Variants in LAMA2 observed in about 807,000 individuals in gnomAD.
LAMA2 encodes the protein laminin subunit alpha 2.
Under a neutral mutation model 364.8 loss-of-function variants are expected in LAMA2, and 269 were observed. The ratio of observed to expected loss-of-function variants is 0.74; its 90% confidence interval spans 0.67 to 0.82. LAMA2 has a LOEUF of 0.82. LAMA2 is among the 40% of genes least tolerant of loss of function. The pLI is 0.00. For missense variants in LAMA2, 3,807 were observed against 3,873.2 expected (o/e 0.98, Z 0.45); for synonymous variants, 1,379 against 1,370.6 (o/e 1.01, Z -0.14).
chr6:129,408,426 G>C (rs1780355674), intron 40 of LAMA2, among the ~76,000 whole-genome samples: 1 of 152,164 alleles, frequency 6.6e-6, no homozygotes, highest in African/African-American at 2.4e-5. Flanking sequence ...CACTTCTTTA[G>C]CTGTAAAGTG....
At chr6:129,510,015 A>G (rs530192040) in intron 62 of LAMA2, among the ~76,000 whole-genome samples, 1 of 152,028 alleles carries the variant, frequency 6.6e-6, no homozygotes, top group Non-Finnish European at 1.5e-5. Flanking sequence ...AATTTCTTGC[A>G]TCATTGTTTT....
At chr6:129,025,177 T>A (rs1785723666) in intron 1 of LAMA2, among the ~76,000 whole-genome samples, 1 of 152,212 alleles carries the variant, frequency 6.6e-6, no homozygotes, top group Non-Finnish European at 1.5e-5. Flanking sequence ...ATTGAGGTTT[T>A]ATAAAATGTA....
chr6:129,064,378 A>T (rs1789148027), intron 3 of LAMA2, among the ~76,000 whole-genome samples: 1 of 128,084 alleles, frequency 7.8e-6, no homozygotes, highest in East Asian at 2.3e-4. Context: ...AAAAAAAAAA[A>T]TGAAGAAAAG....
Position 129,340,851 on chromosome 6 carries a change from A to G in LAMA2, c.4312-1492A>G, listed in dbSNP as rs867171038. Among the ~76,000 whole-genome samples, 878 of 150,342 alleles carry G rather than the reference A, an allele frequency of 5.8e-3. 12 individuals carry two copies. The highest frequency in any genetic ancestry group is 0.021 in the African/African-American group (838 of 40,794). On this transcript the variant is annotated intron_variant, in intron 29 of 64. Transcript: ENST00000421865. ...GTCTCAAAAAAAAAAAAAAAAAAAA[A>G]AGAGAAAAAGAAAAGAAAAGAAAAG...
intron 1 of LAMA2, among the ~76,000 whole-genome samples, chr6:128,894,668 T>C (rs1776655552): frequency 6.6e-6 from 1 of 152,178 alleles, no homozygotes; most frequent in South Asian, 2.1e-4. Context: ...GTACCCAAGA[T>C]TTAATAAATT....
chr6:129,490,077 T>A (rs1391055885), intron 56 of LAMA2, among the ~76,000 whole-genome samples: 2 of 152,240 alleles, frequency 1.3e-5, no homozygotes, highest in Non-Finnish European at 2.9e-5. Flanking sequence ...ATGGACATAT[T>A]GGCAATGTCC....
Position 129,147,067 on chromosome 6 carries a change from T to C in LAMA2, c.909+19T>C. 1 of 1,500,372 alleles carries C rather than the reference T, an allele frequency of 6.7e-7. No individual in the cohort carries two copies. The highest frequency in any genetic ancestry group is 1.7e-4 in the Middle Eastern group (1 of 5,874). The allele number at this position is 1,500,372 out of a possible 1,614,324, so 92.9% of individuals were successfully genotyped here. A position where few individuals can be genotyped will look rare whatever the true frequency, so the allele number is the denominator to read the frequency against. On this transcript the variant is annotated intron_variant, in intron 6 of 64. Transcript: ENST00000421865. ...GACAAATGTATGTATATTTATAGGA[T>C]GCTTAGGCAAAATGAAGCCCTGAGC...
At chr6:129,063,666 A>G (rs1171703048) in intron 3 of LAMA2, among the ~76,000 whole-genome samples, 1 of 152,132 alleles carries the variant, frequency 6.6e-6, no homozygotes, top group East Asian at 1.9e-4. Flanking sequence ...TCTATCCCTC[A>G]AAACTAAGAA....
chr6:129,203,504 C>T (rs1252806038), intron 12 of LAMA2, among the ~76,000 whole-genome samples: 1 of 152,140 alleles, frequency 6.6e-6, no homozygotes. Context: ...GAAAATAGGT[C>T]ACAGACAGTG....
intron 1 of LAMA2, among the ~76,000 whole-genome samples, chr6:128,952,116 A>G (rs1197862163): frequency 1.3e-5 from 2 of 152,174 alleles, no homozygotes; most frequent in African/African-American, 4.8e-5. Flanking sequence ...GCAGTGAGCC[A>G]TGATCTTGCC....
chr6:129,057,947 T>A (rs539237686), intron 2 of LAMA2, among the ~76,000 whole-genome samples: 1 of 152,314 alleles, frequency 6.6e-6, no homozygotes, highest in East Asian at 1.9e-4. Flanking sequence ...ATACTTAGTT[T>A]TATGAAATTC....
At chr6:129,094,339 G>T (rs1342417703) in intron 3 of LAMA2, among the ~76,000 whole-genome samples, 1 of 152,204 alleles carries the variant, frequency 6.6e-6, no homozygotes, top group Non-Finnish European at 1.5e-5. Context: ...ATAAATGAAA[G>T]AGGGATATTG....
At chr6:129,393,411 C>CT (rs557184099) in intron 37 of LAMA2, among the ~76,000 whole-genome samples, 156 bp downstream of exon 37, 316 of 152,036 alleles carry the variant, frequency 2.1e-3, no homozygotes, top group Middle Eastern at 3.4e-3. Flanking sequence ...CAAGAAATGA[C>CT]TTTTTTTTGT....
chr6:129,170,985 T>G (rs1335579926), intron 9 of LAMA2, among the ~76,000 whole-genome samples: 2 of 151,694 alleles, frequency 1.3e-5, no homozygotes, highest in Non-Finnish European at 2.9e-5. Flanking sequence ...TATCAGAGAC[T>G]AGGATTGCAA....
chr6:129,462,242 C>A (rs890104659), intron 49 of LAMA2, among the ~76,000 whole-genome samples: 1 of 151,936 alleles, frequency 6.6e-6, no homozygotes, highest in African/African-American at 2.4e-5. Flanking sequence ...CACTTCTTCC[C>A]AGCATAATCA....
chr6:128,929,874 G>A, intron 1 of LAMA2: 2 of 947,392 alleles, frequency 2.1e-6, no homozygotes, highest in East Asian at 2.4e-5. Context: ...CACGAGTGAA[G>A]ATCAGGTGAC....
intron 20 of LAMA2, chr6:129,293,197 C>G: frequency 1.4e-5 from 7 of 505,412 alleles, no homozygotes; most frequent in Non-Finnish European, 1.5e-5. Context: ...AAAGATTAGA[C>G]AATTCCTAAT....
intron 9 of LAMA2, among the ~76,000 whole-genome samples, chr6:129,177,487 A>T (rs1299926541): frequency 6.6e-6 from 1 of 152,166 alleles, no homozygotes; most frequent in Non-Finnish European, 1.5e-5. Context: ...TACATTTTTA[A>T]TATTTCTATT....
chr6:129,300,964 C>T (rs2114461674), intron 22 of LAMA2, 92 bp downstream of exon 22: 2 of 1,058,564 alleles, frequency 1.9e-6, no homozygotes, highest in Non-Finnish European at 3.0e-6. Flanking sequence ...TTCAATATTA[C>T]ATCACAAAAT....
Sources: gnomAD v4.1 joint callset for allele counts (sites outside exome capture counted in the v4.1 genomes callset) on GRCh38, gnomAD v4.1.1 for gene constraint, MANE v1.5 for transcripts, NCBI Gene and HGNC (gene_info 2026-07-23, HGNC 2026-07-21) for gene names.